GRHL2: variants seen among roughly 807,000 people sequenced by gnomAD.
The protein encoded by GRHL2 is grainyhead like transcription factor 2, also known as grainyhead-like protein 2 homolog.
A neutral mutation model predicts 83.8 loss-of-function variants in GRHL2; 21 were observed. The observed-to-expected ratio is 0.25, with a 90% confidence interval of 0.18 to 0.36. The LOEUF is 0.36. Ranked by LOEUF, GRHL2 falls within the 10% of genes least tolerant of loss-of-function variation. GRHL2 has a pLI of 1.00. For missense variants in GRHL2, 623 were observed against 781.8 expected, an observed-to-expected ratio of 0.80 and a Z score of 2.42; for synonymous variants, 280 against 278.9, an observed-to-expected ratio of 1.00 and a Z score of -0.04.
At chr8:101,502,020 A>G (rs1326719026) in intron 1 of GRHL2, among the ~76,000 whole-genome samples, 7 of 84,488 alleles carry the variant, frequency 8.3e-5, no homozygotes, top group Non-Finnish European at 1.4e-4. Flanking sequence ...TTCTTCCCAC[A>G]CTCACCCCAA....
At chr8:101,538,039 T>A (rs753175663) in intron 1 of GRHL2, among the ~76,000 whole-genome samples, 2 of 152,226 alleles carry the variant, frequency 1.3e-5, no homozygotes, top group Admixed American at 6.5e-5. Flanking sequence ...CGGAAGCAGA[T>A]CATCCACTAA....
chr8:101,578,866 T>C (rs1328410541), intron 7 of GRHL2, among the ~76,000 whole-genome samples: 2 of 152,210 alleles, frequency 1.3e-5, no homozygotes, highest in East Asian at 1.9e-4. Flanking sequence ...AGGCTCACTG[T>C]AGAAGACAAT....
intron 14 of GRHL2, among the ~76,000 whole-genome samples, chr8:101,654,381 A>G (rs1004533799): frequency 1.3e-5 from 2 of 152,228 alleles, no homozygotes; most frequent in Non-Finnish European, 2.9e-5. Context: ...TATAGTCAGT[A>G]GATCTTAGCT....
At chr8:101,604,953 G>A (rs565748136) in intron 8 of GRHL2, among the ~76,000 whole-genome samples, 2 of 152,320 alleles carry the variant, frequency 1.3e-5, no homozygotes, top group South Asian at 4.1e-4. Context: ...TTTCCTGAGT[G>A]ATGTCTATCC....
In GRHL2 at chr8:101,546,431, A is replaced by G. The variant is rs376846771; in HGVS notation, c.216+2995A>G. On this transcript the variant is annotated intron_variant, in intron 2 of 15. Coordinates refer to ENST00000646743, the MANE Select transcript of GRHL2 (RefSeq NM_024915.4). ...TTAGTAATTTTTTTTTTTTTTTTAGACAGAGTCTCGCTCTGTTGCCCAGGC... is the reference window on the plus strand; with the variant it reads ...TTAGTAATTTTTTTTTTTTTTTTAGGCAGAGTCTCGCTCTGTTGCCCAGGC... Among the ~76,000 whole-genome samples the G allele has an allele frequency of 2.5e-4, 37 of 147,776 alleles. No homozygotes were observed. The East Asian group carries it at 5.4e-3, about 22-fold the overall frequency.
At chr8:101,500,013 T>C (rs1481319656) in intron 1 of GRHL2, among the ~76,000 whole-genome samples, 1 of 151,538 alleles carries the variant, frequency 6.6e-6, no homozygotes, top group Non-Finnish European at 1.5e-5. Flanking sequence ...GAGGTGGAGG[T>C]TGCAGTGAAC....
At chr8:101,632,422 TAAG>T in intron 11 of GRHL2, 57 bp downstream of exon 11, 3 of 1,602,176 alleles carry the variant, frequency 1.9e-6, no homozygotes, top group Non-Finnish European at 2.6e-6. Context: ...AGTAGGGCTT[TAAG>T]ATAGAAGCAT....
intron 1 of GRHL2, among the ~76,000 whole-genome samples, chr8:101,501,054 C>G (rs1031471499): frequency 3.3e-5 from 5 of 152,140 alleles, no homozygotes; most frequent in Non-Finnish European, 7.4e-5. Flanking sequence ...AATCAAATAA[C>G]ACATTTTAAG....
intron 14 of GRHL2, among the ~76,000 whole-genome samples, chr8:101,651,399 AT>A (rs1813619236): frequency 6.6e-6 from 1 of 152,198 alleles, no homozygotes; most frequent in Non-Finnish European, 1.5e-5. Context: ...AGGAACTTAT[AT>A]TTTTAACGAG....
intron 1 of GRHL2, among the ~76,000 whole-genome samples, chr8:101,509,114 C>CTTCT (rs1810399716): frequency 2.5e-4 from 6 of 23,588 alleles, no homozygotes; most frequent in African/African-American, 8.6e-4. Flanking sequence ...TCTCTCCTTC[C>CTTCT]TTCCTTCCTT....
At position 101,666,644 on chromosome 8, in the gene GRHL2, T is replaced by C; in HGVS notation, c.1819T>C (p.Phe607Leu). The C allele has an allele frequency of 6.2e-7, 1 of 1,613,722 alleles. No homozygotes were observed. The highest frequency in any genetic ancestry group is 8.5e-7 in the Non-Finnish European group (1 of 1,179,662). Residue 607 changes from phenylalanine to leucine, a missense_variant, in exon 16 of 16, where the codon TTC (phenylalanine) becomes CTC (leucine). Transcript: ENST00000646743. ...CGAGCACTACTCGAACGAGGACACC[T>C]TCATCCTCAACATGGAGAGCATGGT... ...IIEHYSNEDTFILNMESMVEG... is the reference protein window; with the variant it reads ...IIEHYSNEDTLILNMESMVEG...
At chr8:101,576,252 C>T (rs1811930855) in intron 6 of GRHL2, among the ~76,000 whole-genome samples, 1 of 152,172 alleles carries the variant, frequency 6.6e-6, no homozygotes, top group South Asian at 2.1e-4. Flanking sequence ...CTCTCTCTGT[C>T]ACCCAGGCTG....
At chr8:101,552,879 AG>A in intron 3 of GRHL2, 97 bp downstream of exon 3, 6 of 1,142,842 alleles carry the variant, frequency 5.3e-6, no homozygotes, top group African/African-American at 1.5e-5. Context: ...GATGGGGTCA[AG>A]AAGCTTAGCA....
chr8:101,561,165 TTTTA>T (rs1811601806), intron 4 of GRHL2, among the ~76,000 whole-genome samples: 1 of 152,198 alleles, frequency 6.6e-6, no homozygotes, highest in African/African-American at 2.4e-5. Flanking sequence ...ATTTTTTTTT[TTTTA>T]CTTTTTAAAT....
chr8:101,643,934 A>C (rs1813455504), intron 12 of GRHL2, among the ~76,000 whole-genome samples, 197 bp from the exon 13 acceptor site: 1 of 152,192 alleles, frequency 6.6e-6, no homozygotes, highest in Non-Finnish European at 1.5e-5. Context: ...CCATGCCCTA[A>C]AGATAGTGGT....
downstream of GRHL2, among the ~76,000 whole-genome samples, chr8:101,672,155 C>T (rs1287738583): frequency 6.6e-6 from 1 of 151,730 alleles, no homozygotes; most frequent in East Asian, 1.9e-4. Context: ...ACCTCTCCTC[C>T]TCCAAAGGAA....
intron 9 of GRHL2, among the ~76,000 whole-genome samples, chr8:101,629,138 G>GA (rs1423398169): frequency 6.6e-6 from 1 of 152,174 alleles, no homozygotes; most frequent in Non-Finnish European, 1.5e-5. Flanking sequence ...TTCCTGAAAG[G>GA]AAGAGTTAAT....
chr8:101,650,122 T>C (rs1813591220), intron 14 of GRHL2, among the ~76,000 whole-genome samples: 1 of 152,210 alleles, frequency 6.6e-6, no homozygotes, highest in Admixed American at 6.5e-5. Flanking sequence ...CATACAACTA[T>C]ATTGTAGAAG....
intron 11 of GRHL2, among the ~76,000 whole-genome samples, chr8:101,636,433 C>A (rs1344327294): frequency 6.6e-6 from 1 of 152,098 alleles, no homozygotes; most frequent in Non-Finnish European, 1.5e-5. Flanking sequence ...CCCTCTTACC[C>A]CACTCTCCAT....
Sources: allele counts gnomAD v4.1 joint callset (sites outside exome capture counted in the v4.1 genomes callset), GRCh38; gene constraint gnomAD v4.1.1; transcripts MANE v1.5; gene names NCBI Gene and HGNC (gene_info 2026-07-23, HGNC 2026-07-21).